The following PTPN3 variants were observed in gnomAD, a reference collection of about 807,000 sequenced individuals.
PTPN3 encodes the protein tyrosine-protein phosphatase non-receptor type 3.
PTPN3 carries 96 observed loss-of-function variants against 132.7 expected under a neutral mutation model. That is an observed-to-expected ratio of 0.72 (90% CI 0.61 to 0.86). PTPN3 has a LOEUF of 0.86. Ranked by LOEUF, PTPN3 falls within the 40% of genes least tolerant of loss-of-function variation. PTPN3 has a pLI of 0.00. For missense variants in PTPN3, 1,125 were observed against 1,159.6 expected, an observed-to-expected ratio of 0.97 and a Z score of 0.43; for synonymous variants, 398 against 429.0, an observed-to-expected ratio of 0.93 and a Z score of 0.89.
intron 1 of PTPN3, among the ~76,000 whole-genome samples, chr9:109,469,130 G>C (rs1846244281): frequency 6.6e-6 from 1 of 152,196 alleles, no homozygotes; most frequent in Non-Finnish European, 1.5e-5. Flanking sequence ...GGGTAACAGG[G>C]CTGCTACTAG....
At chr9:109,517,701 A>G in the PTPN3 span, among the ~76,000 whole-genome samples, 5 of 152,176 alleles carry the variant, frequency 3.3e-5, no homozygotes, top group Non-Finnish European at 1.5e-5. Flanking sequence ...GGAAACCATA[A>G]TTTGGGGAAA....
chr9:109,448,889 A>G, intron 5 of PTPN3, 34 bp from the exon 6 acceptor site: 1 of 1,561,250 alleles, frequency 6.4e-7, no homozygotes, highest in Non-Finnish European at 8.6e-7. Flanking sequence ...ATTCATACTC[A>G]AACTGAAATA....
intron 1 of PTPN3, among the ~76,000 whole-genome samples, chr9:109,467,334 A>G (rs1282923578): frequency 2.0e-5 from 3 of 152,118 alleles, no homozygotes; most frequent in Non-Finnish European, 2.9e-5. Flanking sequence ...GCACATCAGA[A>G]TCACCTGAGG....
chr9:109,418,773 T>A (rs899525914), intron 14 of PTPN3, among the ~76,000 whole-genome samples: 1 of 152,150 alleles, frequency 6.6e-6, no homozygotes, highest in Non-Finnish European at 1.5e-5. Flanking sequence ...TTAATTTAAA[T>A]CTGAATAGAC....
the PTPN3 span, chr9:109,534,093 G>A: frequency 1.3e-6 from 1 of 778,936 alleles, no homozygotes; most frequent in South Asian, 1.3e-5. Context: ...CTTCCTTGAT[G>A]TCATTCCTGT....
chr9:109,501,884 C>T (rs1390870191), upstream of PTPN3, among the ~76,000 whole-genome samples: 1 of 152,184 alleles, frequency 6.6e-6, no homozygotes, highest in African/African-American at 2.4e-5. Context: ...GCTGATAGTC[C>T]TGATGATGTT....
intron 1 of PTPN3, among the ~76,000 whole-genome samples, chr9:109,486,867 G>A (rs1249102026): frequency 6.6e-6 from 1 of 152,042 alleles, no homozygotes; most frequent in Non-Finnish European, 1.5e-5. Flanking sequence ...GTTTTATAAG[G>A]GGCTTTTCCC....
rs979085588 is a variant in PTPN3 at position 109,375,895 on chromosome 9, C to T, written c.*3661G>A. The T allele has an allele frequency of 2.0e-5, 3 of 152,200 alleles. No homozygotes were observed. The highest frequency in any genetic ancestry group is 7.2e-5 in the African/African-American group (3 of 41,448). The allele number at this position is 152,200 out of a possible 1,614,324, so 9.4% of individuals were successfully genotyped here. On this transcript the variant is annotated 3_prime_UTR_variant, in exon 26 of 26. Transcript: ENST00000374541. ...AGAGCTATGAGAATGGTGGCCCAGC[C>T]CGGCCATCAGACTCCCAAGCATTTG...
chr9:109,521,107 G>A, the PTPN3 span, among the ~76,000 whole-genome samples: 3 of 152,130 alleles, frequency 2.0e-5, no homozygotes, highest in Non-Finnish European at 4.4e-5. Context: ...AAAAGAGATG[G>A]CAATCTGGAG....
At chr9:109,496,815 G>A (rs1365750584) in intron 1 of PTPN3, among the ~76,000 whole-genome samples, 2 of 152,184 alleles carry the variant, frequency 1.3e-5, no homozygotes, top group South Asian at 2.1e-4. Context: ...CTACAGACCA[G>A]GGATGCTTCT....
chr9:109,506,482 T>TC, the PTPN3 span, among the ~76,000 whole-genome samples: 52,639 of 127,832 alleles, frequency 0.41, 9,842 homozygotes, highest in East Asian at 0.62. Flanking sequence ...CTTCCTTCCT[T>TC]CTTTCCTACC....
intron 19 of PTPN3, among the ~76,000 whole-genome samples, chr9:109,395,370 T>C (rs1840490911): frequency 6.6e-6 from 1 of 152,192 alleles, no homozygotes; most frequent in African/African-American, 2.4e-5. Flanking sequence ...AAAGTTAAGG[T>C]TGTTTTGGCC....
chr9:109,456,671 G>A (rs745963745), intron 4 of PTPN3, among the ~76,000 whole-genome samples: 2 of 152,194 alleles, frequency 1.3e-5, no homozygotes, highest in African/African-American at 2.4e-5. Context: ...ACTGGCCACC[G>A]AACTGGGAGT....
intron 22 of PTPN3, among the ~76,000 whole-genome samples, chr9:109,387,789 A>C (rs752612791): frequency 4.6e-5 from 7 of 152,242 alleles, no homozygotes; most frequent in African/African-American, 1.7e-4. Context: ...GCAAAAAATG[A>C]TATTTCTCTC....
At chr9:109,489,672 T>G (rs1165665140) in intron 1 of PTPN3, among the ~76,000 whole-genome samples, 2 of 152,106 alleles carry the variant, frequency 1.3e-5, no homozygotes, top group South Asian at 2.1e-4. Flanking sequence ...AGTCTACCCA[T>G]GATTAGCAGG....
At chr9:109,411,285 A>G (rs1215168419) in intron 14 of PTPN3, among the ~76,000 whole-genome samples, 1 of 152,198 alleles carries the variant, frequency 6.6e-6, no homozygotes, top group Non-Finnish European at 1.5e-5. Flanking sequence ...GAGGCTGAGT[A>G]ACTTGCCCAG....
In PTPN3 at chr9:109,381,744, C is replaced by T. The variant is rs747093162; in HGVS notation, c.2572G>A (p.Ala858Thr). Reference sequence around the variant, plus strand: ...AGGTTCCTCTCAGTTAGGCACATGGCTGTTTCCATAGTGACCAACACACCG... The same window carrying T: ...AGGTTCCTCTCAGTTAGGCACATGGTTGTTTCCATAGTGACCAACACACCG... ...RTGVLVTMET[A>T]MCLTERNLPI... Residue 858 changes from alanine (A) to threonine (T), a missense_variant, in exon 25 of 26, where the codon GCC becomes ACC. Physicochemically the swap from Ala to Thr is moderately conservative, Grantham distance 58. Coordinates refer to ENST00000374541, the MANE Select transcript of PTPN3 (RefSeq NM_002829.4). 1.2e-6 allele frequency: 2 copies of T among 1,614,228 alleles called. No homozygotes were observed. The highest frequency in any genetic ancestry group is 1.1e-5 in the South Asian group (1 of 91,090).
chr9:109,451,401 G>A (rs1169275727), intron 5 of PTPN3: 2 of 959,986 alleles, frequency 2.1e-6, no homozygotes, highest in East Asian at 2.3e-4. Context: ...TGGAAGGTGG[G>A]GGTGGGGTGT....
intron 4 of PTPN3, 98 bp from the exon 5 acceptor site, chr9:109,454,672 C>T (rs1291397393): frequency 1.1e-6 from 1 of 895,542 alleles, no homozygotes; most frequent in African/African-American, 1.7e-5. Context: ...TTTCACTCAA[C>T]CATAGCTTTT....
Sources: gnomAD v4.1 joint callset for allele counts (sites outside exome capture counted in the v4.1 genomes callset) on GRCh38, gnomAD v4.1.1 for gene constraint, MANE v1.5 for transcripts, NCBI Gene and HGNC (gene_info 2026-07-23, HGNC 2026-07-21) for gene names.